ETS1: variants seen among roughly 807,000 people sequenced by gnomAD.
ETS1 encodes the protein protein C-ets-1.
A neutral mutation model predicts 58.6 loss-of-function variants in ETS1; 15 were observed. The ratio of observed to expected loss-of-function variants is 0.26; its 90% CI spans 0.17 to 0.39. The LOEUF (loss-of-function observed/expected upper bound fraction) is 0.39, where lower values mean the gene tolerates loss of function less well. Ranked by LOEUF, ETS1 falls within the 10% of genes least tolerant of loss-of-function variation. The pLI is 1.00. For synonymous variants in ETS1, 214 were observed against 218.2 expected (o/e 0.98, Z 0.17); for missense variants, 417 against 610.5 (o/e 0.68, Z 3.34).
chr11:128,578,545 A>C (rs2135590534), intron 1 of ETS1, among the ~76,000 whole-genome samples: 1 of 152,326 alleles, frequency 6.6e-6, no homozygotes, highest in Middle Eastern at 3.4e-3. Context: ...TTACCGCAAA[A>C]ATTAAAATAC....
At chr11:128,565,327 C>T (rs953440858) in intron 2 of ETS1, among the ~76,000 whole-genome samples, 2 of 152,170 alleles carry the variant, frequency 1.3e-5, no homozygotes, top group African/African-American at 2.4e-5. Context: ...GAAGCTGAGA[C>T]GGGACTCTCA....
intron 3 of ETS1, 76 bp downstream of exon 3, chr11:128,556,215 A>G: frequency 7.7e-7 from 1 of 1,291,134 alleles, no homozygotes; most frequent in Non-Finnish European, 1.1e-6. Flanking sequence ...CTGTTATTTG[A>G]AAGAATGCAG....
chr11:128,468,109 T>C (rs1862086044), intron 8 of ETS1, among the ~76,000 whole-genome samples: 1 of 152,178 alleles, frequency 6.6e-6, no homozygotes, highest in Non-Finnish European at 1.5e-5. Context: ...GGTAGGAACT[T>C]GGAGAGCTCC....
chr11:128,485,873 G>C (rs1862615833), intron 6 of ETS1, among the ~76,000 whole-genome samples, 196 bp downstream of exon 6: 1 of 152,068 alleles, frequency 6.6e-6, no homozygotes, highest in African/African-American at 2.4e-5. Flanking sequence ...AACTTGGTAG[G>C]TTAATGAAAC....
chr11:128,558,736 C>A (rs1241846254), intron 2 of ETS1, among the ~76,000 whole-genome samples: 1 of 149,940 alleles, frequency 6.7e-6, no homozygotes, highest in African/African-American at 2.5e-5. Context: ...TGGCTTCAAA[C>A]CATTTTGCTG....
At position 128,489,440 on chromosome 11, in the gene ETS1, C is replaced by G; in HGVS notation, c.385G>C (p.Val129Leu). 1 of 1,614,190 alleles carries G rather than the reference C, an allele frequency of 6.2e-7. No individual in the cohort carries two copies. The highest frequency in any genetic ancestry group is 8.5e-7 in the Non-Finnish European group (1 of 1,180,034). Residue 129 changes from valine to leucine, a missense_variant, in exon 5 of 10, where the codon GTG (valine) becomes CTG (leucine). Coordinates refer to ENST00000392668, the MANE Select transcript of ETS1 (RefSeq NM_001143820.2). Reference protein sequence around the residue: ...THVRDWVMWAVNEFSLKGVDF... With the variant: ...THVRDWVMWALNEFSLKGVDF... ...ACACCTTTCAGGCTGAATTCATTCA[C>G]AGCCCACATCACCCAGTCCCGAACA... is the stretch of plus-strand genomic sequence containing the variant.
intron 8 of ETS1, 41 bp downstream of exon 8, chr11:128,480,150 C>T (rs1470183662): frequency 1.2e-5 from 20 of 1,602,900 alleles, no homozygotes; most frequent in Non-Finnish European, 1.7e-5. Context: ...CCCACAGAAA[C>T]GTGCAGATGG....
At chr11:128,465,932 A>G (rs1565364504) in intron 8 of ETS1, among the ~76,000 whole-genome samples, 1 of 152,208 alleles carries the variant, frequency 6.6e-6, no homozygotes, top group Non-Finnish European at 1.5e-5. Flanking sequence ...ACTGGAACCC[A>G]TGCAGCCCAT....
chr11:128,565,057 T>TAAATAAATAAAA (rs780094990), intron 2 of ETS1, among the ~76,000 whole-genome samples: 2 of 145,776 alleles, frequency 1.4e-5, no homozygotes, highest in African/African-American at 2.5e-5. Context: ...AATAAATAAA[T>TAAATAAATAAAA]AAAATAAATG....
intron 2 of ETS1, among the ~76,000 whole-genome samples, chr11:128,570,203 G>A (rs1180646320): frequency 1.3e-5 from 2 of 149,238 alleles, no homozygotes; most frequent in Middle Eastern, 3.5e-3. Flanking sequence ...GTACATATTT[G>A]TGTGACATTT....
chr11:128,573,160 C>T lies in ETS1; in HGVS notation c.-14-16G>A, dbSNP rs371169943. On this transcript the variant is annotated splice_polypyrimidine_tract_variant and intron_variant, in intron 1 of 9. Coordinates refer to ENST00000392668, the MANE Select transcript of ETS1 (RefSeq NM_001143820.2). ...CTCTCAGCACCTGTGTGAGAGAAGG[C>T]GTTGGCTGAGCCTCTGGATGCTCAC... 1.6e-4 allele frequency: 246 copies of T among 1,541,618 alleles called. No individual in the cohort carries two copies. The highest frequency in any genetic ancestry group is 2.1e-4 in the Non-Finnish European group (237 of 1,133,784).
At chr11:128,558,068 G>T (rs1246088412) in intron 2 of ETS1, among the ~76,000 whole-genome samples, 1 of 152,204 alleles carries the variant, frequency 6.6e-6, no homozygotes, top group East Asian at 1.9e-4. Flanking sequence ...ATTGGACCTG[G>T]TGTTCTATAA....
At chr11:128,580,994 T>C (rs1186527029) in intron 1 of ETS1, among the ~76,000 whole-genome samples, 1 of 152,220 alleles carries the variant, frequency 6.6e-6, no homozygotes, top group Non-Finnish European at 1.5e-5. Context: ...GAGTATATTG[T>C]TTTACCCTTC....
chr11:128,522,132 GCCTTT>G, intron 3 of ETS1: 1 of 1,322,492 alleles, frequency 7.6e-7, no homozygotes, highest in Non-Finnish European at 9.7e-7. Context: ...AATTCCCGCT[GCCTTT>G]CTTTCCCCCG....
At chr11:128,513,388 C>T (rs1863440132) in intron 3 of ETS1, among the ~76,000 whole-genome samples, 1 of 152,226 alleles carries the variant, frequency 6.6e-6, no homozygotes, top group Non-Finnish European at 1.5e-5. Flanking sequence ...AATGCAATGA[C>T]TTGCCTAAGG....
chr11:128,557,563 T>C (rs1864331979), intron 2 of ETS1, among the ~76,000 whole-genome samples: 1 of 152,200 alleles, frequency 6.6e-6, no homozygotes, highest in South Asian at 2.1e-4. Context: ...AATGGCCACA[T>C]AGGTTAAAAA....
chr11:128,487,642 G>A (rs1274208456), intron 5 of ETS1, among the ~76,000 whole-genome samples: 1 of 152,092 alleles, frequency 6.6e-6, no homozygotes, highest in East Asian at 1.9e-4. Context: ...AGGAGGGTGA[G>A]GCAGGAGAAT....
At chr11:128,462,628 A>T (rs1205026583) in intron 9 of ETS1, 52 bp from the exon 10 acceptor site, 2 of 1,393,522 alleles carry the variant, frequency 1.4e-6, no homozygotes, top group Admixed American at 1.7e-5. Flanking sequence ...TCTACAAGAC[A>T]GGCCAAATAT....
intron 3 of ETS1, among the ~76,000 whole-genome samples, chr11:128,520,284 CAT>C (rs1263400037): frequency 1.3e-5 from 2 of 152,122 alleles, no homozygotes; most frequent in African/African-American, 4.8e-5. Context: ...TGATCTGAAA[CAT>C]GTGTTGCCAG....
Sources: gnomAD v4.1 joint callset for allele counts (sites outside exome capture counted in the v4.1 genomes callset) on GRCh38, gnomAD v4.1.1 for gene constraint, MANE v1.5 for transcripts, NCBI Gene and HGNC (gene_info 2026-07-23, HGNC 2026-07-21) for gene names.